UVRAG: variants seen among roughly 807,000 people sequenced by gnomAD.
The protein encoded by UVRAG is UV radiation resistance associated, also known as UV radiation resistance-associated gene protein.
A neutral mutation model predicts 78.0 loss-of-function variants in UVRAG; 19 were observed. The ratio of observed to expected loss-of-function variants is 0.24; its 90% CI spans 0.17 to 0.36. The LOEUF is 0.36. Among genes scored for constraint, UVRAG ranks in the 10% least tolerant of loss-of-function variants. The pLI is 1.00. For missense variants in UVRAG, 740 were observed against 853.8 expected (o/e 0.87, Z 1.66); for synonymous variants, 323 against 324.6 (o/e 1.00, Z 0.05).
chr11:75,963,201 T>G (rs932712034), intron 7 of UVRAG, among the ~76,000 whole-genome samples: 1 of 152,074 alleles, frequency 6.6e-6, no homozygotes, highest in African/African-American at 2.4e-5. Flanking sequence ...AGGCGAGGGG[T>G]TTTTGTCTCT....
At chr11:76,029,637 T>A (rs1167278453) in intron 12 of UVRAG, among the ~76,000 whole-genome samples, 3 of 152,150 alleles carry the variant, frequency 2.0e-5, no homozygotes, top group African/African-American at 7.2e-5. Context: ...AGTTGCATCT[T>A]ATGGATGAGC....
intron 8 of UVRAG, among the ~76,000 whole-genome samples, chr11:76,002,615 G>A (rs192651658): frequency 6.6e-6 from 1 of 152,238 alleles, no homozygotes; most frequent in Non-Finnish European, 1.5e-5. Flanking sequence ...GGGGATAGAG[G>A]GTGTCAACCT....
intron 1 of UVRAG, among the ~76,000 whole-genome samples, chr11:75,850,352 C>T (rs939003739): frequency 6.6e-6 from 1 of 152,106 alleles, no homozygotes; most frequent in African/African-American, 2.4e-5. Context: ...CATAGGATCT[C>T]CTTAAAGAGC....
chr11:75,868,029 T>C (rs895189203), intron 3 of UVRAG, among the ~76,000 whole-genome samples: 1 of 152,212 alleles, frequency 6.6e-6, no homozygotes, highest in Admixed American at 6.5e-5. Context: ...TCAGAATTCA[T>C]CTTACAATGT....
chr11:75,976,673 A>C (rs189382547), intron 7 of UVRAG, among the ~76,000 whole-genome samples: 1,657 of 152,030 alleles, frequency 0.011, 34 homozygotes, highest in African/African-American at 0.037. Context: ...TTATAGTATT[A>C]TCTGATGGTA....
chr11:75,933,724 A>G (rs917365785), intron 6 of UVRAG, among the ~76,000 whole-genome samples: 1 of 152,260 alleles, frequency 6.6e-6, no homozygotes, highest in African/African-American at 2.4e-5. Flanking sequence ...GAAGACATAT[A>G]CATGGCAGAC....
Position 75,937,743 on chromosome 11 carries a change from G to A in UVRAG, c.594-23701G>A, listed in dbSNP as rs118087737. Among the ~76,000 whole-genome samples the A allele has an allele frequency of 3.8e-3, 578 of 152,162 alleles. 2 individuals carry two copies. The highest frequency in any genetic ancestry group is 6.8e-3 in the Non-Finnish European group (462 of 67,988). ...TTTGTGTTTTTCATACCTGGTATTT[G>A]TTGGTATTCTTGCATCTGTGGGTTT... On this transcript the variant is annotated intron_variant, in intron 6 of 14. Coordinates refer to ENST00000356136, the MANE Select transcript of UVRAG (RefSeq NM_003369.4).
intron 1 of UVRAG, among the ~76,000 whole-genome samples, chr11:75,832,810 A>T (rs1945689299): frequency 1.3e-5 from 2 of 152,182 alleles, no homozygotes; most frequent in Non-Finnish European, 2.9e-5. Context: ...CATGCAAAAG[A>T]CACTTATCAC....
chr11:75,902,797 T>A (rs564442730), intron 5 of UVRAG, among the ~76,000 whole-genome samples: 1 of 152,294 alleles, frequency 6.6e-6, no homozygotes, highest in African/African-American at 2.4e-5. Flanking sequence ...CAAGCTCAGA[T>A]CAACATTCCC....
At chr11:76,079,164 G>A (rs1195405308) in intron 13 of UVRAG, among the ~76,000 whole-genome samples, 4 of 152,054 alleles carry the variant, frequency 2.6e-5, no homozygotes, top group African/African-American at 9.7e-5. Context: ...TAAGTTGTTT[G>A]ACTCGCGACA....
In UVRAG at chr11:75,851,887, G is replaced by A. The variant is rs751798073; in HGVS notation, c.122G>A (p.Arg41His). ...LHVELPSQQR[R>H]LRHLRNIAAR... ...TTTTTTGTTGTTATTTTTCAGCGGC[G>A]TCTTCGACATCTTCGGAACATTGCT... is the stretch of plus-strand genomic sequence containing the variant. Residue 41 changes from arginine to histidine, a missense_variant, in exon 2 of 15, where the codon CGT (arginine) becomes CAT (histidine). Physicochemically the swap from Arg to His is conservative, Grantham distance 29. Transcript: ENST00000356136. The A allele has an allele frequency of 6.2e-7, 1 of 1,603,418 alleles. No homozygotes were observed. Among genetic ancestry groups the A allele is most frequent in the Non-Finnish European group, 8.5e-7 (1 of 1,177,446 alleles).
chr11:76,058,687 A>G (rs989828817), intron 12 of UVRAG, among the ~76,000 whole-genome samples: 54 of 152,208 alleles, frequency 3.5e-4, no homozygotes, highest in African/African-American at 1.3e-3. Context: ...ATGTGGGAAA[A>G]TTAATGCACT....
At chr11:75,870,564 A>G (rs542670746) in intron 3 of UVRAG, among the ~76,000 whole-genome samples, 102 of 152,284 alleles carry the variant, frequency 6.7e-4, no homozygotes, top group African/African-American at 2.4e-3. Flanking sequence ...ATTTTAGTAT[A>G]TATTTACTCT....
At chr11:76,109,561 G>A (rs977437474) in intron 13 of UVRAG, among the ~76,000 whole-genome samples, 1 of 152,188 alleles carries the variant, frequency 6.6e-6, no homozygotes, top group Non-Finnish European at 1.5e-5. Context: ...CTTGCTCAAA[G>A]TTATACACAT....
chr11:75,974,529 G>A (rs1949194889), intron 7 of UVRAG, among the ~76,000 whole-genome samples: 1 of 151,274 alleles, frequency 6.6e-6, no homozygotes, highest in Middle Eastern at 3.4e-3. Flanking sequence ...ACCGCGCCCG[G>A]CTAATTTTTT....
chr11:75,835,138 G>C (rs1945749130), intron 1 of UVRAG: 1 of 152,194 alleles, frequency 6.6e-6, no homozygotes, highest in Non-Finnish European at 1.5e-5. Flanking sequence ...CTTTTGAATT[G>C]TGAATCATAT....
At chr11:75,961,178 G>T (rs570727100) in intron 6 of UVRAG, among the ~76,000 whole-genome samples, 2 of 152,000 alleles carry the variant, frequency 1.3e-5, no homozygotes, top group African/African-American at 4.8e-5. Flanking sequence ...CTTTCTCAGG[G>T]CTCTTCCCAA....
Position 76,134,161 on chromosome 11 carries a change from A to G in UVRAG, c.1398-6550A>G, listed in dbSNP as rs187834685. 5.8e-3 allele frequency among the ~76,000 whole-genome samples: 867 copies of G among 149,948 alleles called. 6 individuals are homozygous for G. Among genetic ancestry groups the G allele is most frequent in the South Asian group, 0.025 (118 of 4,736 alleles). Reference sequence around the variant, plus strand: ...TTTTTAGTAGAGATGGGGTTTTGCCATGTTGGCCAGGCTGATCTCGAACTC... The same window carrying G: ...TTTTTAGTAGAGATGGGGTTTTGCCGTGTTGGCCAGGCTGATCTCGAACTC... On this transcript the variant is annotated intron_variant, in intron 14 of 14. Coordinates refer to ENST00000356136, the MANE Select transcript of UVRAG (RefSeq NM_003369.4).
intron 6 of UVRAG, among the ~76,000 whole-genome samples, chr11:75,957,428 T>A (rs559169583): frequency 3.4e-4 from 51 of 152,108 alleles, no homozygotes; most frequent in African/African-American, 1.1e-3. Flanking sequence ...TTTTTTTTTT[T>A]ATCTCCATGA....
Sources: gnomAD v4.1 joint callset for allele counts (sites outside exome capture counted in the v4.1 genomes callset) on GRCh38, gnomAD v4.1.1 for gene constraint, MANE v1.5 for transcripts, NCBI Gene and HGNC (gene_info 2026-07-23, HGNC 2026-07-21) for gene names.